Variants in CDK12 observed in about 807,000 individuals in gnomAD.
The protein encoded by CDK12 is cyclin-dependent kinase 12.
A neutral mutation model predicts 133.8 loss-of-function variants in CDK12; 17 were observed. The ratio of observed to expected loss-of-function variants is 0.13; its 90% CI spans 0.09 to 0.19. The LOEUF is 0.19. Ranked by LOEUF, CDK12 falls within the 10% of genes least tolerant of loss-of-function variation. The pLI, the probability that CDK12 is intolerant of heterozygous loss-of-function variation, is 1.00. For synonymous variants in CDK12, 694 were observed against 683.6 expected, an observed-to-expected ratio of 1.02 and a Z score of -0.24; for missense variants, 1,508 against 1,818.7, an observed-to-expected ratio of 0.83 and a Z score of 3.11.
chr17:39,547,549 T>C (rs1202767213), upstream of CDK12, among the ~76,000 whole-genome samples: 1 of 152,200 alleles, frequency 6.6e-6, no homozygotes, highest in Non-Finnish European at 1.5e-5. Flanking sequence ...GACCAGGATC[T>C]TAGGCTCTGA....
At chr17:39,481,667 T>C (rs1223173657) in intron 2 of CDK12, among the ~76,000 whole-genome samples, 2 of 14,092 alleles carry the variant, frequency 1.4e-4, no homozygotes, top group African/African-American at 3.1e-4. Flanking sequence ...TCTCTCTCTC[T>C]CTCTCTCTCT....
At chr17:39,482,092 C>T (rs1011756064) in intron 2 of CDK12, among the ~76,000 whole-genome samples, 2 of 144,212 alleles carry the variant, frequency 1.4e-5, no homozygotes, top group Non-Finnish European at 3.0e-5. Context: ...CCACTCACTG[C>T]AACCTCCACC....
At chr17:39,526,774 T>A (rs2054522594) in intron 13 of CDK12, among the ~76,000 whole-genome samples, 1 of 152,214 alleles carries the variant, frequency 6.6e-6, no homozygotes, top group African/African-American at 2.4e-5. Flanking sequence ...AAAACCCTAA[T>A]AAAATATCAT....
At chr17:39,482,477 T>G (rs968027419) in intron 2 of CDK12, among the ~76,000 whole-genome samples, 3 of 151,776 alleles carry the variant, frequency 2.0e-5, no homozygotes, top group Non-Finnish European at 2.9e-5. Context: ...TGTACTTAAC[T>G]AAACTTTTTT....
At chr17:39,530,423 A>G (rs1041677365) in intron 13 of CDK12, 181 bp from the exon 14 acceptor site, 12 of 777,804 alleles carry the variant, frequency 1.5e-5, no homozygotes, top group East Asian at 3.0e-5. Flanking sequence ...CCAGGATGCA[A>G]CTGTTTTACT....
rs58047556 is a variant in CDK12, at chr17:39,481,633, GCTCTCTCTCTCTCTCTCT to G, written c.1932-8863_1932-8846del. 6.9e-3 allele frequency among the ~76,000 whole-genome samples: 122 copies of G among 17,598 alleles called. 13 individuals are homozygous for G. The highest frequency in any genetic ancestry group is 0.013 in the Admixed American group (21 of 1,588). The allele number at this position is 17,598 out of a possible 152,430, so 11.5% of individuals were successfully genotyped here. The stretch of plus-strand genomic sequence containing the variant: ...CACTTATGTGCTTGCTCGCTCGCGC[GCTCTCTCTCTCTCTCTCT>G]CTCTCTCTCTCTCTCTCTCTCTCTC... On this transcript the variant is annotated intron_variant, in intron 2 of 13. Transcript: ENST00000447079.
chr17:39,468,203 T>G, intron 1 of CDK12, among the ~76,000 whole-genome samples: 1 of 152,072 alleles, frequency 6.6e-6, no homozygotes, highest in East Asian at 1.9e-4. Flanking sequence ...CTTCCAATAA[T>G]AATTTTATAT....
chr17:39,563,057 C>T (rs1469255437), intron 3 of CDK12, among the ~76,000 whole-genome samples: 2 of 152,144 alleles, frequency 1.3e-5, no homozygotes, highest in African/African-American at 4.8e-5. Context: ...TTAACAAATT[C>T]ACATGCATAT....
chr17:39,566,030 G>A (rs766876036), downstream of CDK12, among the ~76,000 whole-genome samples: 9 of 152,284 alleles, frequency 5.9e-5, no homozygotes, highest in South Asian at 8.3e-4. Flanking sequence ...TTACTCTCCT[G>A]TGATCCCAGG....
Position 39,531,911 on chromosome 17 carries a change from C to T in CDK12, c.*595C>T, listed in dbSNP as rs1412477545. On this transcript the variant is annotated 3_prime_UTR_variant, in exon 14 of 14. Transcript: ENST00000447079. ...TTTGCTTTTAAGTGAACACTTTTTCCCCATTGAGCATCTTGAACATACTTT... is the reference window on the plus strand; with the variant it reads ...TTTGCTTTTAAGTGAACACTTTTTCTCCATTGAGCATCTTGAACATACTTT... 8.6e-6 allele frequency: 2 copies of T among 233,634 alleles called. No individual in the cohort carries two copies. Among genetic ancestry groups the T allele is most frequent in the Non-Finnish European group, 1.7e-5 (2 of 118,056 alleles). 14.5% of individuals were successfully genotyped at this position (233,634 alleles called of 1,614,324 possible). A position where few individuals can be genotyped will look rare whatever the true frequency, so the allele number is the denominator to read the frequency against.
At chr17:39,505,523 C>CAAAAAAA (rs369918356) in intron 6 of CDK12, among the ~76,000 whole-genome samples, 1 of 97,696 alleles carries the variant, frequency 1.0e-5, no homozygotes, top group Non-Finnish European at 1.9e-5. Context: ...GACTCCGTCT[C>CAAAAAAA]AAAAAAAAAA....
intron 7 of CDK12, 66 bp from the exon 8 acceptor site, chr17:39,511,459 TTTAG>T (rs2053502969): frequency 4.1e-6 from 4 of 983,798 alleles, no homozygotes. Context: ...TCTATTTGCA[TTTAG>T]TTATGTGAAT....
At chr17:39,521,788 C>G (rs2054188152) in intron 11 of CDK12, among the ~76,000 whole-genome samples, 1 of 152,070 alleles carries the variant, frequency 6.6e-6, no homozygotes, top group South Asian at 2.1e-4. Flanking sequence ...TCTCAAACTC[C>G]TGACTTCAGG....
intron 2 of CDK12, among the ~76,000 whole-genome samples, chr17:39,473,620 G>A (rs2049964030): frequency 6.6e-6 from 1 of 152,102 alleles, no homozygotes; most frequent in African/African-American, 2.4e-5. Context: ...GCCAGGTGCG[G>A]TGGTTCATGC....
In CDK12 at chr17:39,524,830, A is replaced by T; in HGVS notation, c.3252A>T (p.Pro1084=). The change falls in exon 12 of 14, where the codon CCA becomes CCT. Residue 1084 remains proline, a synonymous_variant. Transcript: ENST00000447079. ...CTGAGCCTGTGAAGAACAGCAGCCC[A>T]GCACCACCTCAGCCTGCTCCTGGCA... ...TSTEPVKNSS[P]APPQPAPGKV... The T allele has an allele frequency of 6.2e-7, 1 of 1,614,224 alleles. No individual in the cohort carries two copies. Among genetic ancestry groups the T allele is most frequent in the Non-Finnish European group, 8.5e-7 (1 of 1,180,042 alleles).
chr17:39,560,095 G>A (rs2056322648), intron 3 of CDK12, among the ~76,000 whole-genome samples: 1 of 152,118 alleles, frequency 6.6e-6, no homozygotes, highest in Non-Finnish European at 1.5e-5. Context: ...CTGTGCCTAG[G>A]TTGTCTTTTT....
Position 39,525,854 on chromosome 17 carries a change from C to CT in CDK12, c.3308-7dup. 6.2e-7 allele frequency: 1 copy of CT among 1,608,666 alleles called. No individual in the cohort carries two copies. Among genetic ancestry groups the CT allele is most frequent in the African/African-American group, 1.3e-5 (1 of 74,992 alleles). On this transcript the variant is annotated splice_polypyrimidine_tract_variant and intron_variant, in intron 12 of 13. Coordinates refer to ENST00000447079, the MANE Select transcript of CDK12 (RefSeq NM_016507.4). The stretch of plus-strand genomic sequence containing the variant: ...CATCGTCTTATATTGGCTTCACTGT[C>CT]TTTCAACAGGCCTTGCTGACATCAC...
chr17:39,522,693 C>G (rs2054255435), intron 11 of CDK12, among the ~76,000 whole-genome samples: 2 of 152,030 alleles, frequency 1.3e-5, no homozygotes, highest in East Asian at 2.0e-4. Context: ...CTCGTCCTCC[C>G]AAAGTGCTGT....
intron 2 of CDK12, among the ~76,000 whole-genome samples, chr17:39,486,651 C>T (rs369205596): frequency 7.9e-5 from 12 of 151,928 alleles, no homozygotes; most frequent in South Asian, 2.1e-4. Context: ...AAGAATATTC[C>T]GACAGTGGTT....
Sources: gnomAD v4.1 joint callset for allele counts (sites outside exome capture counted in the v4.1 genomes callset) on GRCh38, gnomAD v4.1.1 for gene constraint, MANE v1.5 for transcripts, NCBI Gene and HGNC (gene_info 2026-07-23, HGNC 2026-07-21) for gene names.